ALDH1A3: variants seen among roughly 807,000 people sequenced by gnomAD.
ALDH1A3 encodes the protein retinaldehyde dehydrogenase 3.
ALDH1A3 carries 28 observed loss-of-function variants against 57.5 expected under a neutral mutation model. The observed-to-expected ratio is 0.49, with a 90% confidence interval of 0.36 to 0.67. The LOEUF is 0.67. ALDH1A3 is among the 30% of genes least tolerant of loss of function. ALDH1A3 has a pLI of 0.00. For missense variants in ALDH1A3, 507 were observed against 669.4 expected, an observed-to-expected ratio of 0.76 and a Z score of 2.68; for synonymous variants, 281 against 264.8, an observed-to-expected ratio of 1.06 and a Z score of -0.59.
rs1384362141 is a variant in ALDH1A3, at chr15:100,892,556, T to C, written c.392T>C (p.Phe131Ser). Residue 131 changes from phenylalanine (F) to serine (S), a missense_variant, in exon 4 of 13, where the codon TTC becomes TCC. Physicochemically the swap from Phe to Ser is radical, Grantham distance 155. Around this residue, in one of 2 missense-constraint regions of ALDH1A3, gnomAD observed 432 missense variants for 608.4 expected, o/e 0.71. Coordinates refer to ENST00000329841, the MANE Select transcript of ALDH1A3 (RefSeq NM_000693.4). ...DTGKPFLHAF[F>S]IDLEGCIRTL... ...GGGAAGCCATTTCTTCATGCTTTTT[T>C]CATCGACCTGGAGGGCTGTATTAGA... The C allele has an allele frequency of 1.2e-6, 2 of 1,613,442 alleles. No homozygotes were observed. Among genetic ancestry groups the C allele is most frequent in the South Asian group, 2.2e-5 (2 of 90,818 alleles).
chr15:100,907,667 A>C (rs1022266648), intron 11 of ALDH1A3, among the ~76,000 whole-genome samples: 1 of 152,102 alleles, frequency 6.6e-6, no homozygotes, highest in Non-Finnish European at 1.5e-5. Flanking sequence ...GTAATTCTGC[A>C]GATTATGTTT....
intron 9 of ALDH1A3, among the ~76,000 whole-genome samples, chr15:100,902,138 C>G (rs866782329): frequency 3.9e-5 from 6 of 152,168 alleles, no homozygotes; most frequent in African/African-American, 7.2e-5. Context: ...ACAGAAGAAA[C>G]TTTTTTACCC....
At chr15:100,888,617 G>A (rs2041620175) in intron 3 of ALDH1A3, 1 of 152,300 alleles carries the variant, frequency 6.6e-6, no homozygotes, top group Admixed American at 6.5e-5. Flanking sequence ...GCGGTGGTGA[G>A]GGCAGGATAG....
chr15:100,898,459 A>G (rs533588350), intron 8 of ALDH1A3, among the ~76,000 whole-genome samples: 1 of 152,180 alleles, frequency 6.6e-6, no homozygotes, highest in Non-Finnish European at 1.5e-5. Flanking sequence ...TCTGCGCCTT[A>G]GCGTTAAGTT....
rs1310945145 is a variant in ALDH1A3, at chr15:100,914,709, A to G, written c.1475A>G (p.Tyr492Cys). The G allele has an allele frequency of 6.2e-7, 1 of 1,614,064 alleles. No homozygotes were observed. Among genetic ancestry groups the G allele is most frequent in the South Asian group, 1.1e-5 (1 of 91,042 alleles). The change falls in exon 13 of 13, where the codon TAC (tyrosine) becomes TGC (cysteine). Residue 492 changes from tyrosine (Y) to cysteine (C), a missense_variant. Physicochemically the swap from Tyr to Cys is radical, Grantham distance 194. Coordinates refer to ENST00000329841, the MANE Select transcript of ALDH1A3 (RefSeq NM_000693.4). ...MSGNGRELGE[Y>C]ALAEYTEVKT... ...CTTTTCTGTGATCACAGAGGTGAAT[A>G]CGCTTTGGCCGAATACACAGAAGTG...
intron 11 of ALDH1A3, 29 bp from the exon 12 acceptor site, chr15:100,908,379 A>T (rs1218876361): frequency 6.3e-7 from 1 of 1,596,764 alleles, no homozygotes. Flanking sequence ...TCTCCAGATG[A>T]CTCTGAGCTT....
Position 100,911,264 on chromosome 15 carries a change from C to T in ALDH1A3, c.1466+2782C>T, listed in dbSNP as rs187953392. Among the ~76,000 whole-genome samples the T allele has an allele frequency of 9.3e-4, 141 of 152,318 alleles. 1 individual carries two copies. The highest frequency in any genetic ancestry group is 4.4e-4 in the Non-Finnish European group (30 of 68,022). ...CGGGGGATTCCATGGTTTTCCCCGTCCCCGGCCACCTGGACTGGGCTGGCT... is the reference window on the plus strand; with the variant it reads ...CGGGGGATTCCATGGTTTTCCCCGTTCCCGGCCACCTGGACTGGGCTGGCT... On this transcript the variant is annotated intron_variant, in intron 12 of 12. Coordinates refer to ENST00000329841, the MANE Select transcript of ALDH1A3 (RefSeq NM_000693.4).
rs2041726549 is a variant in ALDH1A3, at chr15:100,898,079, G to T, written c.781-4G>T. Reference sequence around the variant, plus strand: ...TAAATTGTGATCTGTGTTCTGTCCTGGAGGTTGGAAAACTGGTTAAAGAAG... The same window carrying T: ...TAAATTGTGATCTGTGTTCTGTCCTTGAGGTTGGAAAACTGGTTAAAGAAG... On this transcript the variant is annotated splice_polypyrimidine_tract_variant and splice_region_variant and intron_variant, in intron 7 of 12. Transcript: ENST00000329841. The T allele has an allele frequency of 1.1e-5, 17 of 1,613,470 alleles. No individual in the cohort carries two copies. Among genetic ancestry groups the T allele is most frequent in the Non-Finnish European group, 1.4e-5 (17 of 1,179,572 alleles).
At chr15:100,899,479 G>A (rs1162284929) in intron 8 of ALDH1A3, among the ~76,000 whole-genome samples, 1 of 152,170 alleles carries the variant, frequency 6.6e-6, no homozygotes, top group Non-Finnish European at 1.5e-5. Context: ...AACATGCTGT[G>A]TAGCCACCTC....
chr15:100,912,081 C>T (rs887581731), intron 12 of ALDH1A3, among the ~76,000 whole-genome samples: 2 of 152,152 alleles, frequency 1.3e-5, no homozygotes, highest in Admixed American at 6.5e-5. Context: ...GATATCCTTC[C>T]GTTCTTTTTA....
intron 3 of ALDH1A3, among the ~76,000 whole-genome samples, chr15:100,891,862 G>A (rs2041653112): frequency 6.6e-6 from 1 of 152,234 alleles, no homozygotes; most frequent in Non-Finnish European, 1.5e-5. Context: ...CACTCGCCCT[G>A]GGTAATCACC....
intron 12 of ALDH1A3, among the ~76,000 whole-genome samples, chr15:100,911,834 G>C (rs978318905): frequency 2.0e-5 from 3 of 152,212 alleles, no homozygotes; most frequent in Admixed American, 6.5e-5. Context: ...TAATCCTACT[G>C]CATGTGTTAG....
intron 9 of ALDH1A3, among the ~76,000 whole-genome samples, chr15:100,901,179 C>T (rs915202262): frequency 2.0e-5 from 3 of 152,134 alleles, no homozygotes; most frequent in African/African-American, 4.8e-5. Context: ...CAATCCCAGA[C>T]GGAGAGAGCC....
At chr15:100,885,196 A>T (rs2041583541) in intron 1 of ALDH1A3, 71 bp from the exon 2 acceptor site, 4 of 1,084,882 alleles carry the variant, frequency 3.7e-6, no homozygotes, top group Admixed American at 1.7e-5. Context: ...ACGTCACCTA[A>T]GGTCCTTAGC....
chr15:100,901,703 C>A (rs550534808), intron 9 of ALDH1A3, among the ~76,000 whole-genome samples: 3 of 152,240 alleles, frequency 2.0e-5, no homozygotes, highest in African/African-American at 7.2e-5. Context: ...CAATTATGGG[C>A]AGGTTTTATT....
chr15:100,914,613 T>A, intron 12 of ALDH1A3, 88 bp from the exon 13 acceptor site: 1 of 1,296,734 alleles, frequency 7.7e-7, no homozygotes, highest in Non-Finnish European at 1.1e-6. Flanking sequence ...TCCAACGGCC[T>A]GATGGAATGA....
Position 100,894,338 on chromosome 15 carries a change from AC to A in ALDH1A3, c.666+259del. ...TATGGGCTCAAACCTATGGTTGAGG[AC>A]CCAGTGGTTTGTCTAGAGAATTTTC... On this transcript the variant is annotated intron_variant, in intron 6 of 12. Transcript: ENST00000329841. The surrounding 1 kb of genome is among the most constrained non-coding windows in gnomAD (Gnocchi z 4.5). 1 of 363,394 alleles carries A rather than the reference AC, an allele frequency of 2.8e-6. No homozygotes were observed. Among genetic ancestry groups the A allele is most frequent in the Non-Finnish European group, 5.0e-6 (1 of 200,448 alleles). The allele number at this position is 363,394 out of a possible 1,614,324, so 22.5% of individuals were successfully genotyped here.
chr15:100,911,238 G>C (rs2041880054), intron 12 of ALDH1A3, among the ~76,000 whole-genome samples: 1 of 152,188 alleles, frequency 6.6e-6, no homozygotes, highest in Non-Finnish European at 1.5e-5. Flanking sequence ...GGAGCATCGT[G>C]CGGGGGATTC....
intron 1 of ALDH1A3, among the ~76,000 whole-genome samples, chr15:100,882,362 T>C (rs2041554880): frequency 6.6e-6 from 1 of 152,220 alleles, no homozygotes. Flanking sequence ...TAGAAGTCCC[T>C]TCTAATTTAG....
Sources: allele counts gnomAD v4.1 joint callset (sites outside exome capture counted in the v4.1 genomes callset), GRCh38; gene constraint gnomAD v4.1.1; regional missense constraint gnomAD v4.1.1; non-coding constraint Gnocchi (gnomAD v3.1); transcripts MANE v1.5; gene names NCBI Gene and HGNC (gene_info 2026-07-23, HGNC 2026-07-21).